TLCD4: variants seen among roughly 807,000 people sequenced by gnomAD.
TLCD4 encodes the protein TLC domain-containing protein 4.
Under a neutral mutation model 24.2 loss-of-function variants are expected in TLCD4, and 7 were observed. The observed-to-expected ratio is 0.29, with a 90% CI of 0.16 to 0.54. The LOEUF (loss-of-function observed/expected upper bound fraction) is 0.54. TLCD4 is among the 20% of genes least tolerant of loss of function. The pLI is 0.95. For missense variants in TLCD4, 259 were observed against 313.9 expected (o/e 0.82, Z 1.32); for synonymous variants, 103 against 106.4 (o/e 0.97, Z 0.20).
At chr1:95,135,445 G>A (rs1427428511) in intron 1 of TLCD4, among the ~76,000 whole-genome samples, 3 of 146,368 alleles carry the variant, frequency 2.0e-5, no homozygotes, top group Non-Finnish European at 4.5e-5. Context: ...CGCCCAGGCT[G>A]GAGTACAGTG....
intron 1 of TLCD4, among the ~76,000 whole-genome samples, chr1:95,134,405 C>A (rs1011051177): frequency 9.2e-5 from 14 of 151,986 alleles, no homozygotes; most frequent in Non-Finnish European, 1.8e-4. Flanking sequence ...AGAAATAAGG[C>A]CTGAAGGGGC....
intron 1 of TLCD4, among the ~76,000 whole-genome samples, chr1:95,139,581 C>G (rs773285055): frequency 7.9e-5 from 12 of 151,206 alleles, no homozygotes; most frequent in Admixed American, 4.0e-4. Context: ...GCCTCAGCCT[C>G]CTGAGTTGGT....
the TLCD4 span, among the ~76,000 whole-genome samples, chr1:95,104,663 C>CAAAAAAAAAAAAAAAAA: frequency 2.2e-4 from 9 of 40,610 alleles, no homozygotes; most frequent in Non-Finnish European, 3.8e-4. Flanking sequence ...GACTCCGTCT[C>CAAAAAAAAAAAAAAAAA]AAAAAAAAAA....
the TLCD4 span, among the ~76,000 whole-genome samples, chr1:95,105,893 T>TCAAAAGAAAAAAA: frequency 9.7e-6 from 1 of 102,864 alleles, no homozygotes. Flanking sequence ...AGACTCCGTC[T>TCAAAAGAAAAAAA]TAAAAAAAAA....
At chr1:95,094,729 C>T in the TLCD4 span, among the ~76,000 whole-genome samples, 1 of 152,156 alleles carries the variant, frequency 6.6e-6, no homozygotes, top group African/African-American at 2.4e-5. Context: ...CAGCTAAATC[C>T]AGCCCAAATA....
At chr1:95,094,061 C>T in the TLCD4 span, among the ~76,000 whole-genome samples, 2 of 152,162 alleles carry the variant, frequency 1.3e-5, no homozygotes, top group African/African-American at 4.8e-5. Context: ...AATTTTGAGC[C>T]TGGACCTTAA....
rs1472462501 is a variant in TLCD4, at chr1:95,194,921, C to T, written c.*3053C>T. 1.3e-5 allele frequency: 2 copies of T among 152,160 alleles called. No individual in the cohort carries two copies. The highest frequency in any genetic ancestry group is 6.5e-5 in the Admixed American group (1 of 15,278). 9.4% of individuals were successfully genotyped at this position (152,160 alleles called of 1,614,324 possible). A position where few individuals can be genotyped will look rare whatever the true frequency, so the allele number is the denominator to read the frequency against. On this transcript the variant is annotated 3_prime_UTR_variant, in exon 7 of 7. Transcript: ENST00000370203. Reference sequence around the variant, plus strand: ...TGCTCAAATATGTGTTGATACCCTACAGTAAATTGAATTAAATTTTTATCC... The same window carrying T: ...TGCTCAAATATGTGTTGATACCCTATAGTAAATTGAATTAAATTTTTATCC...
intron 5 of TLCD4, among the ~76,000 whole-genome samples, chr1:95,165,623 G>C (rs904317258): frequency 3.3e-5 from 5 of 152,064 alleles, no homozygotes; most frequent in African/African-American, 7.2e-5. Flanking sequence ...CTGCCACCAT[G>C]CCCGGCTAAT....
rs939733556 is a variant in TLCD4, at chr1:95,184,296, A to T, written c.474-7254A>T. ...ACTTCTGACTCTCAACTCCTCTAAAACTCAACAAACCAGTGCCATCAAGGA... is the reference window on the plus strand; with the variant it reads ...ACTTCTGACTCTCAACTCCTCTAAATCTCAACAAACCAGTGCCATCAAGGA... On this transcript the variant is annotated intron_variant, in intron 6 of 6. Transcript: ENST00000370203. 5.3e-5 allele frequency among the ~76,000 whole-genome samples: 8 copies of T among 151,416 alleles called. No homozygotes were observed. In the East Asian group the frequency reaches 7.7e-4, roughly 15 times the overall value.
At chr1:95,132,393 G>A (rs1676921073) in intron 1 of TLCD4, among the ~76,000 whole-genome samples, 1 of 150,810 alleles carries the variant, frequency 6.6e-6, no homozygotes, top group South Asian at 2.1e-4. Flanking sequence ...GGTGGTGGAG[G>A]TTGCAGTGAG....
the TLCD4 span, among the ~76,000 whole-genome samples, chr1:95,097,102 C>T: frequency 6.6e-6 from 1 of 151,922 alleles, no homozygotes; most frequent in Non-Finnish European, 1.5e-5. Context: ...TTTCTTGATA[C>T]ATAATAGATG....
At chr1:95,182,676 G>A (rs1220932435) in intron 6 of TLCD4, among the ~76,000 whole-genome samples, 1 of 152,054 alleles carries the variant, frequency 6.6e-6, no homozygotes, top group Non-Finnish European at 1.5e-5. Context: ...GGCAAATAAT[G>A]TTTTAATACT....
chr1:95,162,792 T>C (rs1677862255), intron 5 of TLCD4, among the ~76,000 whole-genome samples: 1 of 152,244 alleles, frequency 6.6e-6, no homozygotes, highest in Non-Finnish European at 1.5e-5. Flanking sequence ...AAATTCTGGA[T>C]TGAAAGTTCT....
At chr1:95,188,955 T>C (rs1322301445) in intron 6 of TLCD4, among the ~76,000 whole-genome samples, 1 of 152,184 alleles carries the variant, frequency 6.6e-6, no homozygotes, top group Non-Finnish European at 1.5e-5. Flanking sequence ...CCTGGAAATA[T>C]GCTGACCTGT....
At chr1:95,130,867 C>CT (rs1030804225) in intron 1 of TLCD4, among the ~76,000 whole-genome samples, 28 of 152,138 alleles carry the variant, frequency 1.8e-4, no homozygotes, top group Admixed American at 1.3e-3. Flanking sequence ...TATAATGGTA[C>CT]TTTTTGCTGT....
chr1:95,136,351 A>G (rs1421522309), intron 1 of TLCD4, among the ~76,000 whole-genome samples: 5 of 152,156 alleles, frequency 3.3e-5, no homozygotes, highest in African/African-American at 4.8e-5. Context: ...GCCAAGTCCT[A>G]TACTTTGGTA....
the TLCD4 span, among the ~76,000 whole-genome samples, chr1:95,099,622 C>CAT: frequency 4.6e-5 from 7 of 152,066 alleles, no homozygotes; most frequent in East Asian, 1.9e-4. Flanking sequence ...TAATTGATTG[C>CAT]ATATATATAC....
At chr1:95,171,691 TAG>T (rs780609193) in intron 5 of TLCD4, among the ~76,000 whole-genome samples, 3 of 152,146 alleles carry the variant, frequency 2.0e-5, no homozygotes, top group Non-Finnish European at 2.9e-5. Flanking sequence ...TGATATGTTA[TAG>T]ACAGAGGGAA....
intron 1 of TLCD4, among the ~76,000 whole-genome samples, chr1:95,133,303 G>T (rs944395174): frequency 2.0e-5 from 3 of 151,990 alleles, no homozygotes; most frequent in African/African-American, 7.3e-5. Context: ...GTTAATGGGT[G>T]CAGCACACCA....
Sources: allele counts gnomAD v4.1 joint callset (sites outside exome capture counted in the v4.1 genomes callset), GRCh38; gene constraint gnomAD v4.1.1; transcripts MANE v1.5; gene names NCBI Gene and HGNC (gene_info 2026-07-23, HGNC 2026-07-21).